XKR9: variants seen among roughly 807,000 people sequenced by gnomAD.
XKR9 encodes XK-related protein 9.
Under a neutral mutation model 32.0 loss-of-function variants are expected in XKR9, and 32 were observed. The ratio of observed to expected loss-of-function variants is 1.00; its 90% CI spans 0.76 to 1.34. The LOEUF (loss-of-function observed/expected upper bound fraction) is 1.34, where lower values mean the gene tolerates loss of function less well. Ranked by LOEUF, XKR9 falls within the 40% of genes most tolerant of loss-of-function variation. The pLI, the probability that XKR9 is intolerant of heterozygous loss-of-function variation, is 0.00. For missense variants in XKR9, 546 were observed against 429.7 expected, an observed-to-expected ratio of 1.27 and a Z score of -2.39; for synonymous variants, 168 against 143.4, an observed-to-expected ratio of 1.17 and a Z score of -1.22.
the XKR9 span, among the ~76,000 whole-genome samples, chr8:70,914,206 AGGCACAAGCCACTGT>A: frequency 3.9e-5 from 6 of 152,184 alleles, no homozygotes; most frequent in Admixed American, 6.5e-5. Flanking sequence ...TTGGGATTAT[AGGCACAAGCCACTGT>A]GCCTAGCCAA....
At chr8:71,028,220 T>C in the XKR9 span, among the ~76,000 whole-genome samples, 1 of 152,248 alleles carries the variant, frequency 6.6e-6, no homozygotes, top group Admixed American at 6.5e-5. Flanking sequence ...CATTTATTTG[T>C]GTTTTCTTCA....
chr8:70,977,926 G>T, the XKR9 span, among the ~76,000 whole-genome samples: 1 of 152,106 alleles, frequency 6.6e-6, no homozygotes, highest in Admixed American at 6.5e-5. Flanking sequence ...CTCCTGTATT[G>T]GGTGCATGTA....
At chr8:71,035,802 A>G in the XKR9 span, among the ~76,000 whole-genome samples, 9,663 of 152,218 alleles carry the variant, frequency 0.063, 461 homozygotes, top group Non-Finnish European at 0.094. Flanking sequence ...TTCTCCTGCC[A>G]TTCTCCCCTG....
the XKR9 span, among the ~76,000 whole-genome samples, chr8:71,018,053 T>C: frequency 2.0e-5 from 3 of 152,232 alleles, no homozygotes; most frequent in African/African-American, 4.8e-5. Flanking sequence ...CTGACTCTTA[T>C]ATTTTGTGAT....
chr8:70,958,106 G>A, the XKR9 span, among the ~76,000 whole-genome samples: 1 of 152,292 alleles, frequency 6.6e-6, no homozygotes, highest in East Asian at 1.9e-4. Flanking sequence ...TATCATTGAT[G>A]GGCATTTAGG....
the XKR9 span, among the ~76,000 whole-genome samples, chr8:70,978,010 G>T: frequency 2.0e-5 from 3 of 152,040 alleles, no homozygotes; most frequent in Admixed American, 6.5e-5. Flanking sequence ...TGTCTCTTTT[G>T]ATCTTTGTTG....
chr8:70,944,110 T>C, the XKR9 span, among the ~76,000 whole-genome samples: 1 of 151,766 alleles, frequency 6.6e-6, no homozygotes, highest in Non-Finnish European at 1.5e-5. Flanking sequence ...AAACTTGTGC[T>C]TCTCAGAGAT....
chr8:70,734,473 G>C lies in XKR9; in HGVS notation c.*49G>C. ...TTCTTATATTTTGTTTCATTGGTTA[G>C]TAAAGAAAATGTGTGTTATGTGGGT... On this transcript the variant is annotated 3_prime_UTR_variant, in exon 5 of 5. Transcript: ENST00000408926. 6.9e-7 allele frequency: 1 copy of C among 1,444,802 alleles called. No homozygotes were observed. Among genetic ancestry groups the C allele is most frequent in the South Asian group, 1.6e-5 (1 of 62,842 alleles). 89.5% of individuals were successfully genotyped at this position (1,444,802 alleles called of 1,614,324 possible).
chr8:70,725,948 T>C (rs1036407872), intron 4 of XKR9, among the ~76,000 whole-genome samples: 1 of 152,032 alleles, frequency 6.6e-6, no homozygotes, highest in African/African-American at 2.4e-5. Context: ...AAAAAGTTCA[T>C]GGAAAATGCA....
At chr8:70,900,974 C>T in the XKR9 span, among the ~76,000 whole-genome samples, 14 of 152,116 alleles carry the variant, frequency 9.2e-5, no homozygotes, top group South Asian at 2.1e-4. Flanking sequence ...CATGTCCCTA[C>T]GAAGGACATG....
At chr8:70,853,400 A>T in the XKR9 span, among the ~76,000 whole-genome samples, 1 of 152,044 alleles carries the variant, frequency 6.6e-6, no homozygotes, top group Non-Finnish European at 1.5e-5. Context: ...GTGTACCAAA[A>T]TATCTCATGT....
At chr8:70,722,513 A>T (rs1470638955) in intron 4 of XKR9, among the ~76,000 whole-genome samples, 1 of 152,082 alleles carries the variant, frequency 6.6e-6, no homozygotes, top group Non-Finnish European at 1.5e-5. Context: ...ATCCCTCAGC[A>T]TTTGCTTGTC....
chr8:70,887,861 G>T, the XKR9 span, among the ~76,000 whole-genome samples: 1 of 151,866 alleles, frequency 6.6e-6, no homozygotes, highest in African/African-American at 2.4e-5. Flanking sequence ...TAATCATGTC[G>T]TCTGCAAACA....
the XKR9 span, among the ~76,000 whole-genome samples, chr8:71,048,455 C>G: frequency 6.6e-6 from 1 of 152,004 alleles, no homozygotes; most frequent in South Asian, 2.1e-4. Context: ...AGATAGATAA[C>G]GTCTTCTATT....
the XKR9 span, among the ~76,000 whole-genome samples, chr8:71,027,340 G>A: frequency 6.8e-6 from 1 of 148,014 alleles, no homozygotes; most frequent in African/African-American, 2.5e-5. Context: ...CCTCTTTACA[G>A]TATAAATGAA....
chr8:70,727,982 C>G (rs1041045862), intron 4 of XKR9, among the ~76,000 whole-genome samples: 1 of 152,138 alleles, frequency 6.6e-6, no homozygotes, highest in Non-Finnish European at 1.5e-5. Context: ...GACTCCTAAA[C>G]TATAATTTCT....
At chr8:70,983,116 A>C in the XKR9 span, among the ~76,000 whole-genome samples, 1 of 152,196 alleles carries the variant, frequency 6.6e-6, no homozygotes, top group East Asian at 1.9e-4. Flanking sequence ...TCAGTAAACT[A>C]TGAGAGAATT....
the XKR9 span, among the ~76,000 whole-genome samples, chr8:70,861,688 T>C: frequency 6.6e-6 from 1 of 151,920 alleles, no homozygotes; most frequent in Non-Finnish European, 1.5e-5. Context: ...AATAAAGCTG[T>C]TGTGAGAATT....
At chr8:70,703,474 A>G (rs913847741) in intron 3 of XKR9, among the ~76,000 whole-genome samples, 2 of 152,114 alleles carry the variant, frequency 1.3e-5, no homozygotes, top group Non-Finnish European at 2.9e-5. Flanking sequence ...TGGTGTTCTT[A>G]CATGGTGGAT....
Sources: gnomAD v4.1 joint callset for allele counts (sites outside exome capture counted in the v4.1 genomes callset) on GRCh38, gnomAD v4.1.1 for gene constraint, MANE v1.5 for transcripts, NCBI Gene and HGNC (gene_info 2026-07-23, HGNC 2026-07-21) for gene names.